Variants in KHDRBS2 observed in about 807,000 individuals in gnomAD.
KHDRBS2 encodes KH RNA binding domain containing, signal transduction associated 2.
Under a neutral mutation model 44.3 loss-of-function variants are expected in KHDRBS2, and 26 were observed. The ratio of observed to expected loss-of-function variants is 0.59; its 90% CI spans 0.43 to 0.81. KHDRBS2 has a LOEUF of 0.81. Ranked by LOEUF, KHDRBS2 falls within the 40% of genes least tolerant of loss-of-function variation. The pLI, the probability that KHDRBS2 is intolerant of heterozygous loss-of-function variation, is 0.00. For synonymous variants in KHDRBS2, 194 were observed against 151.1 expected (o/e 1.28, Z -2.08); for missense variants, 476 against 433.1 (o/e 1.10, Z -0.88).
At chr6:61,728,856 G>A (rs533042641) in intron 7 of KHDRBS2, among the ~76,000 whole-genome samples, 1 of 152,114 alleles carries the variant, frequency 6.6e-6, no homozygotes, top group South Asian at 2.1e-4. Flanking sequence ...AAACTTTTAA[G>A]TTCAGGGATA....
At chr6:61,582,996 G>A in the KHDRBS2 span, among the ~76,000 whole-genome samples, 2 of 151,766 alleles carry the variant, frequency 1.3e-5, no homozygotes, top group Admixed American at 1.3e-4. Flanking sequence ...GAATAGTAAT[G>A]TAAACTTCCT....
At chr6:61,948,497 T>C (rs1353557461) in intron 4 of KHDRBS2, among the ~76,000 whole-genome samples, 3 of 151,906 alleles carry the variant, frequency 2.0e-5, no homozygotes, top group African/African-American at 7.2e-5. Context: ...AAGAATGAGT[T>C]TGGCATATCC....
At chr6:61,869,821 C>A (rs1435025496) in intron 6 of KHDRBS2, among the ~76,000 whole-genome samples, 1 of 152,098 alleles carries the variant, frequency 6.6e-6, no homozygotes, top group Non-Finnish European at 1.5e-5. Context: ...CCGTGGATGC[C>A]GGCCCAGATA....
intron 3 of KHDRBS2, among the ~76,000 whole-genome samples, chr6:61,993,670 TA>T (rs1441659506): frequency 1.8e-3 from 216 of 122,546 alleles, no homozygotes; most frequent in African/African-American, 6.0e-3. Context: ...TATATATATA[TA>T]TATTTTTTTT....
intron 6 of KHDRBS2, among the ~76,000 whole-genome samples, chr6:61,863,398 T>A (rs547898479): frequency 6.6e-6 from 1 of 152,244 alleles, no homozygotes; most frequent in East Asian, 1.9e-4. Context: ...TAACTTGAGA[T>A]ATTTCTAGCT....
intron 6 of KHDRBS2, among the ~76,000 whole-genome samples, chr6:61,833,855 T>G (rs769228583): frequency 1.3e-4 from 20 of 152,158 alleles, no homozygotes; most frequent in Non-Finnish European, 8.8e-5. Context: ...TTGTTTAAAA[T>G]TTAAAATTTT....
chr6:62,224,865 A>T (rs1320853469), intron 1 of KHDRBS2, among the ~76,000 whole-genome samples: 2 of 152,194 alleles, frequency 1.3e-5, no homozygotes, highest in Non-Finnish European at 2.9e-5. Flanking sequence ...TAGTAGAAAG[A>T]AAAGTTTCAT....
At chr6:61,566,152 C>T in the KHDRBS2 span, among the ~76,000 whole-genome samples, 1 of 152,020 alleles carries the variant, frequency 6.6e-6, no homozygotes, top group Non-Finnish European at 1.5e-5. Flanking sequence ...AGACAAATAT[C>T]TCATGTTCTC....
intron 4 of KHDRBS2, among the ~76,000 whole-genome samples, chr6:61,973,771 G>C (rs1260155083): frequency 6.6e-6 from 1 of 151,956 alleles, no homozygotes. Flanking sequence ...AAAGACTTAA[G>C]CCTGGCATGG....
intron 2 of KHDRBS2, among the ~76,000 whole-genome samples, chr6:62,109,448 A>C (rs1274311946): frequency 6.6e-6 from 1 of 152,014 alleles, no homozygotes; most frequent in Admixed American, 6.6e-5. Context: ...TCTAATCAAC[A>C]TTGCCAGGGA....
chr6:62,021,998 A>G (rs898911493), intron 3 of KHDRBS2, among the ~76,000 whole-genome samples: 1 of 149,456 alleles, frequency 6.7e-6, no homozygotes, highest in African/African-American at 2.5e-5. Flanking sequence ...TTATATATAC[A>G]CACACTATAT....
At chr6:61,765,147 G>A (rs1779824279) in intron 6 of KHDRBS2, among the ~76,000 whole-genome samples, 1 of 152,104 alleles carries the variant, frequency 6.6e-6, no homozygotes, top group South Asian at 2.1e-4. Context: ...AGGGAATTTA[G>A]AAGTAACTGG....
At chr6:62,262,817 T>C (rs1362394720) in intron 1 of KHDRBS2, among the ~76,000 whole-genome samples, 1 of 151,728 alleles carries the variant, frequency 6.6e-6, no homozygotes, top group Non-Finnish European at 1.5e-5. Flanking sequence ...TGTACATTAT[T>C]GTCAAAAATA....
the KHDRBS2 span, among the ~76,000 whole-genome samples, chr6:61,542,749 A>G: frequency 1.3e-5 from 2 of 152,006 alleles, no homozygotes; most frequent in South Asian, 4.1e-4. Flanking sequence ...AAACCCTGAT[A>G]CCAATTAATA....
chr6:62,245,469 C>A (rs959782018), intron 1 of KHDRBS2, among the ~76,000 whole-genome samples: 1 of 152,028 alleles, frequency 6.6e-6, no homozygotes, highest in African/African-American at 2.4e-5. Context: ...CTTTCTGTTT[C>A]TACTTCAAGC....
At chr6:61,981,353 C>A (rs1773802807) in intron 3 of KHDRBS2, among the ~76,000 whole-genome samples, 1 of 151,922 alleles carries the variant, frequency 6.6e-6, no homozygotes, top group African/African-American at 2.4e-5. Flanking sequence ...AGTAATCTGC[C>A]TAGAAAACAT....
intron 2 of KHDRBS2, among the ~76,000 whole-genome samples, chr6:62,083,968 A>G (rs2127357491): frequency 6.6e-6 from 1 of 152,344 alleles, no homozygotes; most frequent in African/African-American, 2.4e-5. Context: ...ATATGTAATT[A>G]TGAACCAAAT....
intron 2 of KHDRBS2, among the ~76,000 whole-genome samples, chr6:62,122,202 T>G (rs995483773): frequency 6.6e-6 from 1 of 152,112 alleles, no homozygotes; most frequent in Non-Finnish European, 1.5e-5. Context: ...CAGATAGGGA[T>G]GCTATTTGGA....
chr6:61,621,537 T>C, the KHDRBS2 span, among the ~76,000 whole-genome samples: 1 of 152,274 alleles, frequency 6.6e-6, no homozygotes, highest in African/African-American at 2.4e-5. Context: ...CGGAGACATT[T>C]AAATACACAG....
Sources: allele counts gnomAD v4.1 joint callset (sites outside exome capture counted in the v4.1 genomes callset), GRCh38; gene constraint gnomAD v4.1.1; transcripts MANE v1.5; gene names NCBI Gene and HGNC (gene_info 2026-07-23, HGNC 2026-07-21).